The following PPP1CA variants were observed in gnomAD, a reference collection of about 807,000 sequenced individuals.
The protein encoded by PPP1CA is protein phosphatase 1 catalytic subunit alpha.
In PPP1CA, 14 loss-of-function variants were observed where a neutral mutation model predicts 38.5. The ratio of observed to expected loss-of-function variants is 0.36; its 90% CI spans 0.24 to 0.57. The LOEUF (loss-of-function observed/expected upper bound fraction) is 0.57. Among genes scored for constraint, PPP1CA ranks in the 20% least tolerant of loss-of-function variants. The pLI is 0.80. For missense variants in PPP1CA, 277 were observed against 435.2 expected, an observed-to-expected ratio of 0.64 and a Z score of 3.23; for synonymous variants, 200 against 177.3, an observed-to-expected ratio of 1.13 and a Z score of -1.02.
intron 4 of PPP1CA, 115 bp from the exon 5 acceptor site, chr11:67,399,278 GGGCGCCT>G: frequency 9.9e-7 from 1 of 1,007,776 alleles, no homozygotes; most frequent in Admixed American, 2.2e-5. Context: ...CTGGTCTCCT[GGGCGCCT>G]AGACAGGCAG....
intron 4 of PPP1CA, 138 bp from the exon 5 acceptor site, chr11:67,399,301 A>T (rs910290166): frequency 1.2e-6 from 1 of 832,178 alleles, no homozygotes; most frequent in Non-Finnish European, 1.9e-6. Flanking sequence ...GGCAGAAGTC[A>T]TCCCCTTCCC....
chr11:67,398,270 A>C lies in PPP1CA; in HGVS notation c.*265T>G, dbSNP rs961533096. Reference sequence around the variant, plus strand: ...GCCCTGAGGCCAAGCACGGCTGGAGACCCACGACCTGGCCTGCCGTTGCCC... The same window carrying C: ...GCCCTGAGGCCAAGCACGGCTGGAGCCCCACGACCTGGCCTGCCGTTGCCC... On this transcript the variant is annotated 3_prime_UTR_variant, in exon 7 of 7. Coordinates refer to ENST00000376745, the MANE Select transcript of PPP1CA (RefSeq NM_002708.4). The C allele has an allele frequency of 2.4e-5, 12 of 501,850 alleles. No individual in the cohort carries two copies. In the Admixed American group the frequency reaches 2.6e-4, roughly 11 times the overall value. 31.1% of individuals were successfully genotyped at this position (501,850 alleles called of 1,614,324 possible). A position where few individuals can be genotyped will look rare whatever the true frequency, so the allele number is the denominator to read the frequency against.
At position 67,400,778 on chromosome 11, in the gene PPP1CA, T is replaced by C; in HGVS notation, c.329A>G (p.Tyr110Cys). 2.5e-6 allele frequency: 4 copies of C among 1,614,134 alleles called. No individual in the cohort carries two copies. The highest frequency in any genetic ancestry group is 3.4e-6 in the Non-Finnish European group (4 of 1,180,036). ...GAAGTTCTCGGGGTACTTGATCTTA[T>C]AGGCCAGCAGCAGGCAGATGGTCTC... ...SLETICLLLA[Y>C]KIKYPENFFL... The change falls in exon 3 of 7, where the codon TAT becomes TGT. Residue 110 changes from tyrosine to cysteine, a missense_variant. Physicochemically the swap from Tyr to Cys is radical, Grantham distance 194 (BLOSUM62 -2). Coordinates refer to ENST00000376745, the MANE Select transcript of PPP1CA (RefSeq NM_002708.4).
At position 67,398,224 on chromosome 11, in the gene PPP1CA, T is replaced by G. The variant is rs1171393601; in HGVS notation, c.*311A>C. ...CCTTTATTCAAGAGACCAGATGGGT[T>G]GCCCCAGGATCCGGCTGCCAGCCCT... On this transcript the variant is annotated 3_prime_UTR_variant, in exon 7 of 7. Transcript: ENST00000376745. The G allele has an allele frequency of 4.8e-6, 2 of 415,406 alleles. No individual in the cohort carries two copies. The highest frequency in any genetic ancestry group is 8.7e-6 in the Non-Finnish European group (2 of 229,632). 25.7% of individuals were successfully genotyped at this position (415,406 alleles called of 1,614,324 possible). A position where few individuals can be genotyped will look rare whatever the true frequency, so the allele number is the denominator to read the frequency against.
intron 3 of PPP1CA, 133 bp downstream of exon 3, chr11:67,400,556 A>G: frequency 1.0e-5 from 9 of 892,200 alleles, no homozygotes; most frequent in Non-Finnish European, 1.6e-5. Flanking sequence ...ACGAGAACGG[A>G]CCTGGGCCCC....
chr11:67,401,116 GA>G lies in PPP1CA; in HGVS notation c.138del (p.Leu47Ter). The G allele has an allele frequency of 6.2e-7, 1 of 1,613,948 alleles. No individual in the cohort carries two copies. Among genetic ancestry groups the G allele is most frequent in the Non-Finnish European group, 8.5e-7 (1 of 1,179,994 alleles). ...AGCTCCAGAAGAATGGGCTGGCTCA[GA>G]AAAATCTCCCGGGATTTCAGGCACA... is the stretch of plus-strand genomic sequence containing the variant. The part of the protein sequence containing the change: ...RGLCLKSREI[F>X]LSQPILLELE... On this transcript the variant is annotated frameshift_variant, in exon 2 of 7. Transcript: ENST00000376745. LOFTEE classifies it high-confidence loss of function.
At chr11:67,400,245 C>G (rs549735678) in intron 3 of PPP1CA, among the ~76,000 whole-genome samples, 52 of 152,356 alleles carry the variant, frequency 3.4e-4, no homozygotes, top group Admixed American at 9.1e-4. Flanking sequence ...ATCTTCCCGC[C>G]TCGGCCTCCT....
At chr11:67,400,441 G>A (rs1450162647) in intron 3 of PPP1CA, among the ~76,000 whole-genome samples, 2 of 152,224 alleles carry the variant, frequency 1.3e-5, no homozygotes, top group Non-Finnish European at 2.9e-5. Context: ...GCAAATGTAG[G>A]GGGAGTGTCA....
rs1232067894 is a variant in PPP1CA, at chr11:67,398,922, C to G, written c.747+18G>C. 1 of 1,612,754 alleles carries G rather than the reference C, an allele frequency of 6.2e-7. No individual in the cohort carries two copies. The highest frequency in any genetic ancestry group is 8.5e-7 in the Non-Finnish European group (1 of 1,179,928). On this transcript the variant is annotated intron_variant, in intron 5 of 6. Coordinates refer to ENST00000376745, the MANE Select transcript of PPP1CA (RefSeq NM_002708.4). ...GGCCCTCCCCTTCCCCTGCCGCAGGCCGGAGCCACCAGCCCACCTGGTGTG... is the reference window on the plus strand; with the variant it reads ...GGCCCTCCCCTTCCCCTGCCGCAGGGCGGAGCCACCAGCCCACCTGGTGTG...
intron 4 of PPP1CA, 103 bp downstream of exon 4, chr11:67,399,458 C>T: frequency 9.7e-7 from 1 of 1,034,120 alleles, no homozygotes; most frequent in Non-Finnish European, 1.5e-6. Context: ...GTATGGGGGA[C>T]ACTTCCTGGA....
intron 2 of PPP1CA, 35 bp from the exon 3 acceptor site, chr11:67,400,954 G>C (rs375624411): frequency 1.1e-5 from 18 of 1,610,852 alleles, no homozygotes; most frequent in East Asian, 1.1e-4. Context: ...CTAGATGCAA[G>C]GTCTAGACCT....
intron 5 of PPP1CA, 23 bp from the exon 6 acceptor site, chr11:67,398,879 A>C: frequency 6.2e-7 from 1 of 1,611,926 alleles, no homozygotes; most frequent in Non-Finnish European, 8.5e-7. Context: ...GGGAGCAGTC[A>C]GTCCCGAGCG....
Position 67,400,852 on chromosome 11 carries a change from G to A in PPP1CA, c.255C>T (p.Ser85=). ...CATAGTCCCCCAGAAAGAGGTAGTTGCTCTCGGGAGGGAAACCGCCATACT... is the reference window on the plus strand; with the variant it reads ...CATAGTCCCCCAGAAAGAGGTAGTTACTCTCGGGAGGGAAACCGCCATACT... ...LFEYGGFPPE[S]NYLFLGDYVD... Residue 85 remains serine, a synonymous_variant, in exon 3 of 7, where the codon AGC becomes AGT. Transcript: ENST00000376745. 2 of 1,614,086 alleles carry A rather than the reference G, an allele frequency of 1.2e-6. No homozygotes were observed. Among genetic ancestry groups the A allele is most frequent in the Non-Finnish European group, 1.7e-6 (2 of 1,180,002 alleles).
rs1387207762 is a variant in PPP1CA at position 67,398,760 on chromosome 11, T to C, written c.844A>G (p.Met282Val). Residue 282 changes from methionine (M) to valine (V), a missense_variant, in exon 6 of 7, where the codon ATG becomes GTG. Coordinates refer to ENST00000376745, the MANE Select transcript of PPP1CA (RefSeq NM_002708.4). ...ATGAGGGTCTCGTCCACACTCATCA[T>C]GGCGCCAGCATTGTCAAACTCGCCA... The part of the protein sequence containing the change: ...YCGEFDNAGA[M>V]MSVDETLMCS... 2 of 1,613,866 alleles carry C rather than the reference T, an allele frequency of 1.2e-6. No individual in the cohort carries two copies. The highest frequency in any genetic ancestry group is 1.7e-6 in the Non-Finnish European group (2 of 1,180,034).
chr11:67,401,239 G>C, intron 1 of PPP1CA, 40 bp from the exon 2 acceptor site: 1 of 1,607,930 alleles, frequency 6.2e-7, no homozygotes, highest in South Asian at 1.1e-5. Flanking sequence ...GACCCTGACA[G>C]GAGGAGGGTG....
At chr11:67,399,288 A>G in intron 4 of PPP1CA, 125 bp from the exon 5 acceptor site, 1 of 930,362 alleles carries the variant, frequency 1.1e-6, no homozygotes, top group Non-Finnish European at 1.6e-6. Context: ...GGGCGCCTAG[A>G]CAGGCAGAAG....
chr11:67,401,297 C>A, intron 1 of PPP1CA, 98 bp from the exon 2 acceptor site: 1 of 1,570,380 alleles, frequency 6.4e-7, no homozygotes, highest in Non-Finnish European at 8.7e-7. Context: ...CCTAGGCCTC[C>A]TCGGCCCCTC....
rs778668254 is a variant in PPP1CA at position 67,398,574 on chromosome 11, G to A, written c.954C>T (p.Pro318=). ...QFSGLNPGGR[P]ITPPRNSAKA... ...TGGCGGAATTGCGGGGTGGGGTGAT[G>A]GGTCGGCCTCCAGGGTTCAGGCCAC... Residue 318 remains proline (P), a synonymous_variant, in exon 7 of 7, where the codon CCC becomes CCT. Coordinates refer to ENST00000376745, the MANE Select transcript of PPP1CA (RefSeq NM_002708.4). 55 of 1,614,000 alleles carry A rather than the reference G, an allele frequency of 3.4e-5. No individual in the cohort carries two copies. The highest frequency in any genetic ancestry group is 4.3e-5 in the Non-Finnish European group (51 of 1,180,014).
Position 67,399,595 on chromosome 11 carries a change from G to A in PPP1CA, c.489C>T (p.Ala163=). ...AGCAGAAGATCTTTTCGTCCACTAT[G>A]GCCGCGATGGGCAGGCAGTTGAAGC... ...TDCFNCLPIA[A]IVDEKIFCCH... The change falls in exon 4 of 7, where the codon GCC becomes GCT. Residue 163 remains alanine, a synonymous_variant. Coordinates refer to ENST00000376745, the MANE Select transcript of PPP1CA (RefSeq NM_002708.4). The A allele has an allele frequency of 1.2e-6, 2 of 1,614,116 alleles. No homozygotes were observed.
Sources: gnomAD v4.1 joint callset for allele counts (sites outside exome capture counted in the v4.1 genomes callset) on GRCh38, gnomAD v4.1.1 for gene constraint, MANE v1.5 for transcripts, NCBI Gene and HGNC (gene_info 2026-07-23, HGNC 2026-07-21) for gene names.